Variants in SLC8A1 observed in about 807,000 individuals in gnomAD.
SLC8A1 encodes the protein sodium/calcium exchanger 1.
A neutral mutation model predicts 68.3 loss-of-function variants in SLC8A1; 18 were observed. That is an observed-to-expected ratio of 0.26 (90% CI 0.18 to 0.39). The LOEUF is 0.39. Ranked by LOEUF, SLC8A1 falls within the 10% of genes least tolerant of loss-of-function variation. SLC8A1 has a pLI of 1.00. For synonymous variants in SLC8A1, 475 were observed against 415.5 expected (o/e 1.14, Z -1.74); for missense variants, 985 against 1,156.7 (o/e 0.85, Z 2.15).
At chr2:40,193,160 T>G (rs1237556944) in intron 2 of SLC8A1, among the ~76,000 whole-genome samples, 2 of 152,154 alleles carry the variant, frequency 1.3e-5, no homozygotes. Context: ...AAGATAGGGT[T>G]CTTAATGTTG....
At chr2:40,480,430 A>C (rs75890171) in intron 1 of SLC8A1, among the ~76,000 whole-genome samples, 2,842 of 152,288 alleles carry the variant, frequency 0.019, 85 homozygotes, top group African/African-American at 0.062. Context: ...GTGTGGACAC[A>C]GAAAGAAGGC....
chr2:40,113,878 A>T (rs1342966830), exon 8 of SLC8A1: 1 of 152,718 alleles, frequency 6.5e-6, no homozygotes, highest in Non-Finnish European at 1.5e-5. Context: ...TTCCATGAAG[A>T]TCTTTGTAGT....
At chr2:40,266,764 C>T (rs2065408431) in intron 2 of SLC8A1, among the ~76,000 whole-genome samples, 2 of 152,202 alleles carry the variant, frequency 1.3e-5, no homozygotes, top group African/African-American at 4.8e-5. Context: ...AGGCTGATGA[C>T]TATGGACCAC....
intron 2 of SLC8A1, among the ~76,000 whole-genome samples, chr2:40,276,392 G>A (rs1358894244): frequency 3.3e-5 from 5 of 152,210 alleles, no homozygotes; most frequent in African/African-American, 9.6e-5. Flanking sequence ...TATCTCACAG[G>A]CTTAATGAGA....
intron 2 of SLC8A1, among the ~76,000 whole-genome samples, chr2:40,217,722 A>T (rs7563445): frequency 0.12 from 17,899 of 152,172 alleles, 1,144 homozygotes; most frequent in Non-Finnish European, 0.13. Flanking sequence ...AAATTATCCC[A>T]TCTGTCAGTC....
At chr2:40,245,414 CAGA>C (rs2061739296) in intron 2 of SLC8A1, among the ~76,000 whole-genome samples, 1 of 152,124 alleles carries the variant, frequency 6.6e-6, no homozygotes, top group South Asian at 2.1e-4. Context: ...ACGTGTCCAC[CAGA>C]AGAATAAGGT....
At chr2:40,364,304 G>A (rs1675390781) in intron 2 of SLC8A1, among the ~76,000 whole-genome samples, 2 of 151,976 alleles carry the variant, frequency 1.3e-5, no homozygotes. Flanking sequence ...AAGCCATCAA[G>A]TTTCAAACAT....
chr2:40,098,311 G>A (rs1327405551), exon 8 of SLC8A1: 1 of 152,014 alleles, frequency 6.6e-6, no homozygotes, highest in South Asian at 2.1e-4. Flanking sequence ...AAAGACATCA[G>A]TTTGAACAAA....
intron 2 of SLC8A1, among the ~76,000 whole-genome samples, chr2:40,238,796 T>G (rs1359971989): frequency 6.6e-6 from 1 of 151,888 alleles, no homozygotes; most frequent in African/African-American, 2.4e-5. Context: ...TTTTTTTTCA[T>G]CTGGAGGAAA....
chr2:40,181,898 G>A (rs543798321), intron 2 of SLC8A1, among the ~76,000 whole-genome samples: 1 of 152,198 alleles, frequency 6.6e-6, no homozygotes, highest in African/African-American at 2.4e-5. Flanking sequence ...TCCTTCACAG[G>A]GGATAGTATG....
chr2:40,474,248 G>T (rs1704151811), intron 1 of SLC8A1, among the ~76,000 whole-genome samples: 1 of 152,154 alleles, frequency 6.6e-6, no homozygotes, highest in African/African-American at 2.4e-5. Flanking sequence ...TTAACAGATT[G>T]TCTTCCCTGT....
At chr2:40,430,148 C>T (rs763896494) in exon 2 of SLC8A1, 5 of 1,613,746 alleles carry the variant, frequency 3.1e-6, no homozygotes, top group Non-Finnish European at 4.2e-6. Context: ...TCACCAGTTT[C>T]ATTTCCTTCT....
intron 2 of SLC8A1, among the ~76,000 whole-genome samples, chr2:40,253,156 T>C (rs548543096): frequency 3.2e-5 from 4 of 124,528 alleles, no homozygotes; most frequent in African/African-American, 7.0e-5. Context: ...TATACATACA[T>C]ATATATGTAT....
rs1254922747 is a variant in SLC8A1 at position 40,416,354 on chromosome 2, C to T, written c.1808+12119G>A. Reference sequence around the variant, plus strand: ...TACAAGTTCATAACTTATCAAGACTCACTAAGAAACAAAGATTTAAGCTAT... The same window carrying T: ...TACAAGTTCATAACTTATCAAGACTTACTAAGAAACAAAGATTTAAGCTAT... On this transcript the variant is annotated intron_variant, in intron 2 of 7. Transcript: ENST00000406785. 2.0e-5 allele frequency among the ~76,000 whole-genome samples: 3 copies of T among 152,228 alleles called. No homozygotes were observed. In the East Asian group the frequency reaches 5.8e-4, roughly 29 times the overall value.
At chr2:40,261,975 T>TTTG (rs1160463038) in intron 2 of SLC8A1, among the ~76,000 whole-genome samples, 2 of 151,940 alleles carry the variant, frequency 1.3e-5, no homozygotes, top group African/African-American at 4.8e-5. Context: ...ACTTTTTTTT[T>TTTG]TTTTTTGAGA....
chr2:40,417,519 G>T (rs1203551282), intron 2 of SLC8A1, among the ~76,000 whole-genome samples: 1 of 152,006 alleles, frequency 6.6e-6, no homozygotes, highest in Non-Finnish European at 1.5e-5. Flanking sequence ...TTTTGTTTTT[G>T]TTTTTCTGAG....
intron 1 of SLC8A1, among the ~76,000 whole-genome samples, chr2:40,450,397 GGAAA>G (rs1218157453): frequency 1.3e-5 from 2 of 151,908 alleles, no homozygotes; most frequent in African/African-American, 4.8e-5. Context: ...TGGGGGCATG[GGAAA>G]GAGAGGTATA....
chr2:40,312,710 T>C (rs1262172326), intron 2 of SLC8A1, among the ~76,000 whole-genome samples: 1 of 152,080 alleles, frequency 6.6e-6, no homozygotes, highest in Admixed American at 6.6e-5. Context: ...ATCACATAAA[T>C]AGAAGCAGAA....
intron 1 of SLC8A1, among the ~76,000 whole-genome samples, chr2:40,432,555 G>A (rs1261163445): frequency 4.6e-5 from 7 of 151,060 alleles, no homozygotes; most frequent in Non-Finnish European, 8.8e-5. Context: ...ATATCTGTAG[G>A]AAAAGAATTC....
Sources: allele counts gnomAD v4.1 joint callset (sites outside exome capture counted in the v4.1 genomes callset), GRCh38; gene constraint gnomAD v4.1.1; transcripts MANE v1.5; gene names NCBI Gene and HGNC (gene_info 2026-07-23, HGNC 2026-07-21).